TUBA1B: variants seen among roughly 807,000 people sequenced by gnomAD.
TUBA1B encodes tubulin alpha 1b.
TUBA1B carries 1 observed loss-of-function variant against 34.4 expected under a neutral mutation model. The ratio of observed to expected loss-of-function variants is 0.03; its 90% CI spans 0.01 to 0.14. The LOEUF (loss-of-function observed/expected upper bound fraction) is 0.14, where lower values mean the gene tolerates loss of function less well. Ranked by LOEUF, TUBA1B falls within the 10% of genes least tolerant of loss-of-function variation. TUBA1B has a pLI of 1.00. For synonymous variants in TUBA1B, 197 were observed against 212.5 expected, an observed-to-expected ratio of 0.93 and a Z score of 0.64; for missense variants, 54 against 583.6, an observed-to-expected ratio of 0.09 and a Z score of 9.35.
chr12:49,131,164 C>T, intron 1 of TUBA1B, 134 bp downstream of exon 1: 9 of 1,183,610 alleles, frequency 7.6e-6, no homozygotes, highest in Non-Finnish European at 1.1e-5. Flanking sequence ...CCTGGCCTCT[C>T]GCCTCGTTTT....
At chr12:49,129,431 CAAGAG>C (rs1317992809) in intron 2 of TUBA1B, 41 bp from the exon 3 acceptor site, 5 of 1,613,764 alleles carry the variant, frequency 3.1e-6, no homozygotes, top group Non-Finnish European at 4.2e-6. Flanking sequence ...GAGTGAGTGA[CAAGAG>C]AAGCCCCTGG....
chr12:49,129,439 G>A, intron 2 of TUBA1B, 49 bp from the exon 3 acceptor site: 3 of 1,613,286 alleles, frequency 1.9e-6, no homozygotes, highest in Non-Finnish European at 2.5e-6. Flanking sequence ...GACAAGAGAA[G>A]CCCCTGGACA....
Position 49,131,326 on chromosome 12 carries a change from G to A in TUBA1B, c.-26C>T. 1 of 1,610,602 alleles carries A rather than the reference G, an allele frequency of 6.2e-7. No homozygotes were observed. The highest frequency in any genetic ancestry group is 8.5e-7 in the Non-Finnish European group (1 of 1,178,602). On this transcript the variant is annotated 5_prime_UTR_variant, in exon 1 of 4. Coordinates refer to ENST00000336023, the MANE Select transcript of TUBA1B (RefSeq NM_006082.3). ...AGTGGCTAGGGATTAGGAGGCGAAGGCGACAGGAGCAGACACCGGGTCCCG... is the reference window on the plus strand; with the variant it reads ...AGTGGCTAGGGATTAGGAGGCGAAGACGACAGGAGCAGACACCGGGTCCCG...
At chr12:49,130,220 C>A in intron 1 of TUBA1B, 1 of 1,281,462 alleles carries the variant, frequency 7.8e-7, no homozygotes, top group South Asian at 1.2e-5. Context: ...ATCCATCCAG[C>A]GCTCAGGCCC....
Position 49,131,360 on chromosome 12 carries a change from C to G in TUBA1B, c.-60G>C, listed in dbSNP as rs1941806831. 6.3e-7 allele frequency: 1 copy of G among 1,597,768 alleles called. No homozygotes were observed. Among genetic ancestry groups the G allele is most frequent in the Non-Finnish European group, 8.5e-7 (1 of 1,170,400 alleles). ...GCAGACACCGGGTCCCGGTTACCGT[C>G]CCCGACAAGCTAAGAGTCGAGGTAA... On this transcript the variant is annotated 5_prime_UTR_variant, in exon 1 of 4. Coordinates refer to ENST00000336023, the MANE Select transcript of TUBA1B (RefSeq NM_006082.3).
Position 49,129,396 on chromosome 12 carries a change from G to A in TUBA1B, c.227-6C>T. On this transcript the variant is annotated splice_polypyrimidine_tract_variant and splice_region_variant and intron_variant, in intron 2 of 3. Transcript: ENST00000336023. ...GGTGCCAGTGCGAACTTCATCTGGA[G>A]GAGGGAGAGAAGGACGGAGGGAGTG... 1.2e-6 allele frequency: 2 copies of A among 1,614,214 alleles called. No individual in the cohort carries two copies. The highest frequency in any genetic ancestry group is 1.7e-6 in the Non-Finnish European group (2 of 1,180,028).
chr12:49,129,738 A>G lies in TUBA1B; in HGVS notation c.4-16T>C, dbSNP rs1380743720. 5 of 1,598,098 alleles carry G rather than the reference A, an allele frequency of 3.1e-6. No homozygotes were observed. The highest frequency in any genetic ancestry group is 4.3e-6 in the Non-Finnish European group (5 of 1,172,664). On this transcript the variant is annotated splice_polypyrimidine_tract_variant and intron_variant, in intron 1 of 3. Coordinates refer to ENST00000336023, the MANE Select transcript of TUBA1B (RefSeq NM_006082.3). ...TGCACTCACGCTGCGGGAAGGAAAA[A>G]AGATATCACAATTTAAACCAATCTA...
intron 1 of TUBA1B, chr12:49,130,090 T>G: frequency 8.4e-7 from 1 of 1,191,838 alleles, no homozygotes; most frequent in Non-Finnish European, 1.1e-6. Flanking sequence ...AGCTACACTA[T>G]AGTCTACGTT....
At chr12:49,130,445 A>G in intron 1 of TUBA1B, 1 of 1,007,710 alleles carries the variant, frequency 9.9e-7, no homozygotes, top group African/African-American at 1.7e-5. Flanking sequence ...GGCGCTGCCC[A>G]AGCCGCCCAT....
chr12:49,131,084 G>A (rs1941801762), intron 1 of TUBA1B: 3 of 541,758 alleles, frequency 5.5e-6, no homozygotes, highest in Non-Finnish European at 1.0e-5. Flanking sequence ...AGTCCGAGAA[G>A]AAATCCTGGC....
At chr12:49,130,134 C>T (rs1941784994) in intron 1 of TUBA1B, 2 of 1,199,244 alleles carry the variant, frequency 1.7e-6, no homozygotes, top group Admixed American at 3.5e-5. Flanking sequence ...CATCCTAAAC[C>T]GGGAAGGCCT....
In TUBA1B at chr12:49,127,851, A is replaced by G. The variant is rs919899860; in HGVS notation, c.*107T>C. 4 of 1,526,122 alleles carry G rather than the reference A, an allele frequency of 2.6e-6. No individual in the cohort carries two copies. Among genetic ancestry groups the G allele is most frequent in the East Asian group, 4.5e-5 (2 of 44,384 alleles). 94.5% of individuals were successfully genotyped at this position (1,526,122 alleles called of 1,614,324 possible). ...TACAGGTACACATGGAAAAGACATG[A>G]TCACCAAGTGAAAACAATCTAACCA... On this transcript the variant is annotated 3_prime_UTR_variant, in exon 4 of 4. Transcript: ENST00000336023.
intron 1 of TUBA1B, chr12:49,130,409 A>C (rs1177899474): frequency 7.9e-7 from 1 of 1,267,200 alleles, no homozygotes; most frequent in South Asian, 1.2e-5. Flanking sequence ...GGTGCTGCAG[A>C]GGCACGAAAT....
At chr12:49,130,378 C>T in intron 1 of TUBA1B, 1 of 1,287,564 alleles carries the variant, frequency 7.8e-7, no homozygotes, top group Non-Finnish European at 1.0e-6. Flanking sequence ...ATTCCGGGCG[C>T]GCGCTCTTGC....
intron 1 of TUBA1B, chr12:49,129,976 C>A (rs1941783064): frequency 2.0e-6 from 2 of 999,220 alleles, no homozygotes; most frequent in Admixed American, 5.9e-5. Context: ...GAGATGAGGT[C>A]TGGCTGTGTT....
At chr12:49,130,189 G>A in intron 1 of TUBA1B, 1 of 1,258,434 alleles carries the variant, frequency 7.9e-7, no homozygotes, top group Non-Finnish European at 1.0e-6. Context: ...TCCTTTGGAG[G>A]ACCAAGACAG....
chr12:49,127,935 G>A lies in TUBA1B; in HGVS notation c.*23C>T, dbSNP rs766769784. On this transcript the variant is annotated 3_prime_UTR_variant, in exon 4 of 4. Coordinates refer to ENST00000336023, the MANE Select transcript of TUBA1B (RefSeq NM_006082.3). ...TGAAATTCTGGGAGCATGACATGCT[G>A]CAGGGCCAAAAGGAATGGATAATTA... is the stretch of plus-strand genomic sequence containing the variant. 3 of 1,613,966 alleles carry A rather than the reference G, an allele frequency of 1.9e-6. No homozygotes were observed. Among genetic ancestry groups the A allele is most frequent in the South Asian group, 1.1e-5 (1 of 91,060 alleles).
chr12:49,130,574 C>T (rs1941792139), intron 1 of TUBA1B: 10 of 351,216 alleles, frequency 2.8e-5, no homozygotes, highest in South Asian at 1.3e-4. Context: ...CCTCAAAATC[C>T]CTTACTGCCA....
In TUBA1B at chr12:49,131,319, G is replaced by C; in HGVS notation, c.-19C>G. 1 of 1,610,864 alleles carries C rather than the reference G, an allele frequency of 6.2e-7. No homozygotes were observed. Among genetic ancestry groups the C allele is most frequent in the Non-Finnish European group, 8.5e-7 (1 of 1,178,740 alleles). On this transcript the variant is annotated 5_prime_UTR_variant, in exon 1 of 4. Coordinates refer to ENST00000336023, the MANE Select transcript of TUBA1B (RefSeq NM_006082.3). ...TCACCATAGTGGCTAGGGATTAGGA[G>C]GCGAAGGCGACAGGAGCAGACACCG...
Sources: gnomAD v4.1 joint callset for allele counts on GRCh38, gnomAD v4.1.1 for gene constraint, MANE v1.5 for transcripts, NCBI Gene and HGNC (gene_info 2026-07-23, HGNC 2026-07-21) for gene names.